The following COL10A1 variants were observed in gnomAD, a reference collection of about 807,000 sequenced individuals.
COL10A1 encodes the protein collagen type X alpha 1 chain, also known as collagen alpha-1(X) chain.
A neutral mutation model predicts 18.2 loss-of-function variants in COL10A1; 10 were observed. The observed-to-expected ratio is 0.55, with a 90% CI of 0.34 to 0.93. The LOEUF is 0.93. Ranked by LOEUF, COL10A1 falls within the 40% of genes least tolerant of loss-of-function variation. The pLI is 0.02. For synonymous variants in COL10A1, 330 were observed against 316.6 expected (o/e 1.04, Z -0.45); for missense variants, 897 against 853.5 (o/e 1.05, Z -0.64).
chr6:116,156,149 GTTCCCC>G (rs1780187576), intron 1 of COL10A1, among the ~76,000 whole-genome samples: 2 of 152,084 alleles, frequency 1.3e-5, no homozygotes, highest in Non-Finnish European at 2.9e-5. Flanking sequence ...TCAGTCTCCT[GTTCCCC>G]ATCATCTTTT....
At chr6:116,123,234 G>T (rs1779189504) in intron 2 of COL10A1, among the ~76,000 whole-genome samples, 1 of 151,992 alleles carries the variant, frequency 6.6e-6, no homozygotes, top group Non-Finnish European at 1.5e-5. Context: ...GAGTGCATTG[G>T]GCGTCATCCG....
the COL10A1 span, among the ~76,000 whole-genome samples, chr6:116,213,977 T>C: frequency 6.6e-6 from 1 of 152,104 alleles, no homozygotes; most frequent in Non-Finnish European, 1.5e-5. Flanking sequence ...TCCTCCCGCC[T>C]CACCTTCCCA....
At chr6:116,190,377 A>G in the COL10A1 span, among the ~76,000 whole-genome samples, 2 of 152,028 alleles carry the variant, frequency 1.3e-5, no homozygotes, top group Non-Finnish European at 2.9e-5. Context: ...AAAGAGCAAA[A>G]TAAGTTGTTT....
Position 116,120,044 on chromosome 6 carries a change from C to T in COL10A1, c.*29G>A, listed in dbSNP as rs756971676. 6 of 1,542,688 alleles carry T rather than the reference C, an allele frequency of 3.9e-6. No individual in the cohort carries two copies. The African/African-American group carries it at 1.1e-4, about 27-fold the overall frequency. On this transcript the variant is annotated 3_prime_UTR_variant, in exon 3 of 3. Transcript: ENST00000651968. ...TAGAGTTAGAGAATGCTTTTTCTAG[C>T]ACAAGATTTAGATTAGCTCTGTGTG...
intron 1 of COL10A1, among the ~76,000 whole-genome samples, chr6:116,148,288 T>C (rs75420073): frequency 0.017 from 2,527 of 152,278 alleles, 31 homozygotes; most frequent in South Asian, 0.055. Context: ...GTACCAAGCA[T>C]TATCTATTCC....
At chr6:116,202,690 A>G in the COL10A1 span, among the ~76,000 whole-genome samples, 1 of 152,144 alleles carries the variant, frequency 6.6e-6, no homozygotes, top group East Asian at 1.9e-4. Flanking sequence ...CTGAGATTAT[A>G]GTCTAGGAAA....
At chr6:116,155,552 G>T (rs1325970115) in intron 1 of COL10A1, among the ~76,000 whole-genome samples, 3 of 152,022 alleles carry the variant, frequency 2.0e-5, no homozygotes, top group Admixed American at 6.6e-5. Flanking sequence ...AATTTAAAAT[G>T]ACTTTGAATC....
chr6:116,153,307 TACAC>T (rs1180064982), intron 1 of COL10A1, among the ~76,000 whole-genome samples: 1 of 149,120 alleles, frequency 6.7e-6, no homozygotes, highest in East Asian at 1.9e-4. Flanking sequence ...ATCATGTTCT[TACAC>T]AGACTGCCCA....
the COL10A1 span, among the ~76,000 whole-genome samples, chr6:116,203,363 A>G: frequency 5.1e-3 from 778 of 152,066 alleles, 7 homozygotes; most frequent in African/African-American, 0.017. Flanking sequence ...GTCCGCCAGA[A>G]GCTCTCTTCA....
chr6:116,201,707 G>A, the COL10A1 span, among the ~76,000 whole-genome samples: 2 of 151,974 alleles, frequency 1.3e-5, no homozygotes, highest in Non-Finnish European at 2.9e-5. Flanking sequence ...TGACATGTGA[G>A]GTCATGGGCA....
At chr6:116,123,360 CCT>C (rs1431366080) in intron 2 of COL10A1, among the ~76,000 whole-genome samples, 2 of 152,088 alleles carry the variant, frequency 1.3e-5, no homozygotes, top group South Asian at 2.1e-4. Flanking sequence ...GGGGACAGCC[CCT>C]GTTTGTAGGT....
At chr6:116,205,769 G>A in the COL10A1 span, among the ~76,000 whole-genome samples, 2 of 151,914 alleles carry the variant, frequency 1.3e-5, no homozygotes, top group African/African-American at 2.4e-5. Context: ...CTTAATAAAG[G>A]GGATAAAACA....
chr6:116,124,117 G>A (rs979532308), intron 2 of COL10A1, among the ~76,000 whole-genome samples: 1 of 151,676 alleles, frequency 6.6e-6, no homozygotes, highest in African/African-American at 2.4e-5. Flanking sequence ...GTATACCTGT[G>A]CATTTATTTT....
chr6:116,125,761 T>C, intron 1 of COL10A1: 1 of 328,962 alleles, frequency 3.0e-6, no homozygotes. Context: ...AAACAGAAAT[T>C]AGGATTGGAT....
chr6:116,172,632 C>T, the COL10A1 span, among the ~76,000 whole-genome samples: 1 of 151,998 alleles, frequency 6.6e-6, no homozygotes, highest in Non-Finnish European at 1.5e-5. Context: ...ACCTTAGTAA[C>T]ATATATACTT....
chr6:116,125,413 A>G lies in COL10A1; in HGVS notation c.80T>C (p.Met27Thr), dbSNP rs1064583. ...HGVFYAERYQ[M>T]PTGIKGPLPN... is the part of the protein sequence containing the mutation. ...TAGTGGGCCTTTTATGCCTGTGGGC[A>G]TTTGGTATCGTTCAGCGTAAAACAC... The change falls in exon 2 of 3, where the codon ATG (methionine) becomes ACG (threonine). Residue 27 changes from methionine (M) to threonine (T), a missense_variant. By Grantham distance (81) the Met-to-Thr change is moderately conservative (BLOSUM62 -1). Coordinates refer to ENST00000651968, the MANE Select transcript of COL10A1 (RefSeq NM_000493.4). 0.4 allele frequency: 641,755 copies of G among 1,613,516 alleles called. 133,812 individuals are homozygous for G. The highest frequency in any genetic ancestry group is 0.72 in the African/African-American group (53,841 of 74,924).
the COL10A1 span, among the ~76,000 whole-genome samples, chr6:116,211,071 C>CT: frequency 6.6e-6 from 1 of 152,022 alleles, no homozygotes; most frequent in Non-Finnish European, 1.5e-5. Flanking sequence ...GCAGCTTTTG[C>CT]TTGTCTTAAA....
At chr6:116,150,118 T>C (rs968592800) in intron 1 of COL10A1, among the ~76,000 whole-genome samples, 1 of 152,126 alleles carries the variant, frequency 6.6e-6, no homozygotes, top group South Asian at 2.1e-4. Context: ...GTCGAGTCTT[T>C]GACAAGGGCA....
intron 2 of COL10A1, among the ~76,000 whole-genome samples, chr6:116,122,456 A>C (rs1232158352): frequency 6.6e-6 from 1 of 152,174 alleles, no homozygotes; most frequent in Non-Finnish European, 1.5e-5. Context: ...TGGTTGATTT[A>C]CTTTTACCTC....
Sources: allele counts gnomAD v4.1 joint callset (sites outside exome capture counted in the v4.1 genomes callset), GRCh38; gene constraint gnomAD v4.1.1; transcripts MANE v1.5; gene names NCBI Gene and HGNC (gene_info 2026-07-23, HGNC 2026-07-21).